FGF12: variants seen among roughly 807,000 people sequenced by gnomAD.
FGF12 encodes fibroblast growth factor 12, also known as fibroblast growth factor 12B.
Under a neutral mutation model 23.6 loss-of-function variants are expected in FGF12, and 14 were observed. The ratio of observed to expected loss-of-function variants is 0.59; its 90% CI spans 0.39 to 0.93. FGF12 has a LOEUF of 0.93. Ranked by LOEUF, FGF12 falls within the 40% of genes least tolerant of loss-of-function variation. The pLI is 0.00. For synonymous variants in FGF12, 62 were observed against 77.3 expected (o/e 0.80, Z 1.04); for missense variants, 175 against 217.8 (o/e 0.80, Z 1.24).
chr3:192,458,352 C>T (rs1434038390), intron 2 of FGF12, among the ~76,000 whole-genome samples: 2 of 152,190 alleles, frequency 1.3e-5, no homozygotes, highest in African/African-American at 2.4e-5. Flanking sequence ...ACACTCAATG[C>T]CAGCCCATGA....
chr3:192,408,215 C>T lies in FGF12; in HGVS notation c.14-47677G>A, dbSNP rs749279092. On this transcript the variant is annotated intron_variant, in intron 2 of 5. Transcript: ENST00000445105. This position sits in a 1 kb window ranked among gnomAD's most constrained non-coding sequence, Gnocchi z 7.3. ...GCCGGATCAAGGAGCTGGCTATCGC[C>T]GCAGCCATAGCTGCTCAGCGAGGGC... The T allele has an allele frequency of 8.7e-6, 14 of 1,602,176 alleles. No homozygotes were observed. The highest frequency in any genetic ancestry group is 1.0e-5 in the Non-Finnish European group (12 of 1,178,350).
intron 2 of FGF12, among the ~76,000 whole-genome samples, chr3:192,697,653 G>A (rs1347504544): frequency 6.6e-6 from 1 of 152,206 alleles, no homozygotes; most frequent in Non-Finnish European, 1.5e-5. Context: ...TGTGACAGAA[G>A]CCACTGGTCA....
intron 2 of FGF12, among the ~76,000 whole-genome samples, chr3:192,517,631 C>T (rs974572831): frequency 6.6e-6 from 1 of 152,114 alleles, no homozygotes; most frequent in Non-Finnish European, 1.5e-5. Flanking sequence ...GGGCACGTAA[C>T]ATTTTAATGC....
intron 2 of FGF12, among the ~76,000 whole-genome samples, chr3:192,388,546 T>C (rs923423822): frequency 7.9e-5 from 12 of 152,136 alleles, no homozygotes; most frequent in African/African-American, 2.4e-4. Flanking sequence ...ATATGTATCA[T>C]GCCCTAAAAG....
intron 2 of FGF12, among the ~76,000 whole-genome samples, chr3:192,663,943 G>A (rs1018640361): frequency 6.6e-6 from 1 of 152,164 alleles, no homozygotes; most frequent in African/African-American, 2.4e-5. Flanking sequence ...CAGACAGGCA[G>A]GTAATAGTAT....
chr3:192,260,318 G>T (rs1013877885), intron 4 of FGF12, among the ~76,000 whole-genome samples: 1 of 152,134 alleles, frequency 6.6e-6, no homozygotes, highest in Non-Finnish European at 1.5e-5. Context: ...TGCCAATGAA[G>T]ACAAATGTTA....
chr3:192,499,870 T>C (rs1427215011), intron 2 of FGF12, among the ~76,000 whole-genome samples: 3 of 151,980 alleles, frequency 2.0e-5, no homozygotes, highest in African/African-American at 4.8e-5. Flanking sequence ...AATATTAAGA[T>C]TCTGCATTTA....
At chr3:192,561,980 G>C (rs1328154506) in intron 2 of FGF12, among the ~76,000 whole-genome samples, 4 of 151,400 alleles carry the variant, frequency 2.6e-5, no homozygotes, top group Admixed American at 2.6e-4. Context: ...ATTCAAGTTA[G>C]TAAAAAACTG....
chr3:192,224,945 C>A (rs1718658100), intron 4 of FGF12, among the ~76,000 whole-genome samples: 1 of 151,920 alleles, frequency 6.6e-6, no homozygotes, highest in South Asian at 2.1e-4. Flanking sequence ...GATACCATAC[C>A]CGGAATTCTG....
chr3:192,609,532 C>A (rs7649262), intron 2 of FGF12, among the ~76,000 whole-genome samples: 39,073 of 151,940 alleles, frequency 0.26, 5,412 homozygotes, highest in East Asian at 0.52. Context: ...AAGATGCCAG[C>A]AAGCATCATG....
intron 2 of FGF12, among the ~76,000 whole-genome samples, chr3:192,538,720 T>G (rs532607533): frequency 4.0e-4 from 61 of 152,324 alleles, no homozygotes; most frequent in Non-Finnish European, 7.2e-4. Flanking sequence ...GTCTGTACAT[T>G]GCTTTGGTCA....
At chr3:192,164,374 A>C (rs539059167) in intron 5 of FGF12, among the ~76,000 whole-genome samples, 2 of 152,312 alleles carry the variant, frequency 1.3e-5, no homozygotes, top group East Asian at 3.9e-4. Flanking sequence ...CATCAAGGCC[A>C]TCTATCAGAA....
intron 2 of FGF12, among the ~76,000 whole-genome samples, chr3:192,698,971 T>G (rs571673546): frequency 2.6e-5 from 4 of 152,210 alleles, no homozygotes; most frequent in African/African-American, 9.6e-5. Context: ...AAGTTCCGTA[T>G]GTTAATGCTT....
intron 2 of FGF12, among the ~76,000 whole-genome samples, chr3:192,579,142 G>T (rs61135868): frequency 0.11 from 16,929 of 152,030 alleles, 1,041 homozygotes; most frequent in Non-Finnish European, 0.14. Flanking sequence ...AAAATACAGG[G>T]TTTCAATGTT....
intron 2 of FGF12, among the ~76,000 whole-genome samples, chr3:192,551,490 C>T (rs750728435): frequency 1.3e-5 from 2 of 152,186 alleles, no homozygotes; most frequent in Admixed American, 6.5e-5. Context: ...CTTCAGTGCT[C>T]ATCTGAATGG....
At chr3:192,436,505 C>G (rs527769124) in intron 2 of FGF12, among the ~76,000 whole-genome samples, 2 of 152,132 alleles carry the variant, frequency 1.3e-5, no homozygotes, top group Non-Finnish European at 2.9e-5. Context: ...GTGGGGCCCA[C>G]AATTGGAAAA....
chr3:192,587,054 T>A (rs1020695711), intron 2 of FGF12, among the ~76,000 whole-genome samples: 2 of 152,170 alleles, frequency 1.3e-5, no homozygotes, highest in Non-Finnish European at 2.9e-5. Flanking sequence ...TATATATATA[T>A]AAAAGCTATA....
chr3:192,485,705 T>TA (rs574578228), intron 2 of FGF12, among the ~76,000 whole-genome samples: 109 of 152,104 alleles, frequency 7.2e-4, no homozygotes, highest in Non-Finnish European at 1.3e-3. Context: ...TACCCTTAAG[T>TA]AAAAAAACCA....
intron 2 of FGF12, among the ~76,000 whole-genome samples, chr3:192,719,444 G>A (rs557986359): frequency 7.9e-5 from 12 of 152,190 alleles, no homozygotes; most frequent in African/African-American, 2.6e-4. Flanking sequence ...GCAAATCAAA[G>A]CCCATAGTAA....
Sources: gnomAD v4.1 joint callset for allele counts (sites outside exome capture counted in the v4.1 genomes callset) on GRCh38, gnomAD v4.1.1 for gene constraint, Gnocchi (gnomAD v3.1) non-coding constraint, MANE v1.5 for transcripts, NCBI Gene and HGNC (gene_info 2026-07-23, HGNC 2026-07-21) for gene names.